RPS6KC1: variants seen among roughly 807,000 people sequenced by gnomAD.
RPS6KC1 encodes inactive ribosomal protein S6 kinase delta-1.
RPS6KC1 carries 54 observed loss-of-function variants against 103.8 expected under a neutral mutation model. That is an observed-to-expected ratio of 0.52 (90% CI 0.42 to 0.65). The LOEUF (loss-of-function observed/expected upper bound fraction) is 0.65. Ranked by LOEUF, RPS6KC1 falls within the 30% of genes least tolerant of loss-of-function variation. The pLI is 0.00. For synonymous variants in RPS6KC1, 439 were observed against 438.7 expected (o/e 1.00, Z -0.01); for missense variants, 1,151 against 1,253.8 (o/e 0.92, Z 1.24).
At chr1:213,752,230 C>G in the RPS6KC1 span, among the ~76,000 whole-genome samples, 20 of 152,180 alleles carry the variant, frequency 1.3e-4, no homozygotes, top group Middle Eastern at 3.4e-3. Flanking sequence ...TACAGTGAAT[C>G]TAAGCTACAA....
the RPS6KC1 span, among the ~76,000 whole-genome samples, chr1:213,610,420 C>G: frequency 6.6e-6 from 1 of 152,082 alleles, no homozygotes; most frequent in Non-Finnish European, 1.5e-5. Flanking sequence ...GGAAGAGTCC[C>G]CAGAGGGAAA....
At chr1:213,414,845 A>G in the RPS6KC1 span, among the ~76,000 whole-genome samples, 26 of 152,264 alleles carry the variant, frequency 1.7e-4, no homozygotes, top group African/African-American at 5.5e-4. Flanking sequence ...GGTCTTTTCC[A>G]TAACTTGGAA....
At chr1:213,085,870 G>T (rs948935534) in intron 3 of RPS6KC1, among the ~76,000 whole-genome samples, 3 of 151,806 alleles carry the variant, frequency 2.0e-5, no homozygotes, top group Non-Finnish European at 2.9e-5. Flanking sequence ...ATCAGTAGGA[G>T]CCCTTTTAAG....
chr1:213,361,549 G>C, the RPS6KC1 span, among the ~76,000 whole-genome samples: 1 of 152,220 alleles, frequency 6.6e-6, no homozygotes, highest in Admixed American at 6.5e-5. Flanking sequence ...TGCTCAGTGC[G>C]CTGCACCCAC....
intron 3 of RPS6KC1, among the ~76,000 whole-genome samples, chr1:213,081,769 GGCAT>G (rs1327579244): frequency 6.6e-6 from 1 of 151,834 alleles, no homozygotes; most frequent in Non-Finnish European, 1.5e-5. Context: ...GAGGAACAGG[GGCAT>G]CCAGCCAAAA....
intron 1 of RPS6KC1, among the ~76,000 whole-genome samples, chr1:213,065,096 C>T (rs2078205958): frequency 6.6e-6 from 1 of 151,278 alleles, no homozygotes. Flanking sequence ...CCTGCCTCAG[C>T]CTCCCGAGTA....
the RPS6KC1 span, among the ~76,000 whole-genome samples, chr1:213,337,242 G>A: frequency 2.6e-5 from 4 of 152,184 alleles, no homozygotes; most frequent in African/African-American, 9.7e-5. Context: ...ACAGGCTAAG[G>A]CTCAGAGTTC....
the RPS6KC1 span, among the ~76,000 whole-genome samples, chr1:213,849,767 A>G: frequency 6.6e-6 from 1 of 152,110 alleles, no homozygotes; most frequent in Non-Finnish European, 1.5e-5. Flanking sequence ...CCATTTATTT[A>G]AGTTTTTTGA....
the RPS6KC1 span, among the ~76,000 whole-genome samples, chr1:213,359,990 T>A: frequency 6.6e-6 from 1 of 152,182 alleles, no homozygotes; most frequent in Non-Finnish European, 1.5e-5. Flanking sequence ...GCCCTTAACA[T>A]TTTTTCCTTC....
the RPS6KC1 span, among the ~76,000 whole-genome samples, chr1:213,405,134 G>A: frequency 1.3e-5 from 2 of 152,234 alleles, no homozygotes; most frequent in African/African-American, 2.4e-5. Flanking sequence ...TCTTCACCTG[G>A]GAAATCAGAG....
intron 8 of RPS6KC1, among the ~76,000 whole-genome samples, chr1:213,209,890 A>G (rs554855603): frequency 6.6e-6 from 1 of 152,074 alleles, no homozygotes; most frequent in Non-Finnish European, 1.5e-5. Context: ...TACTCTTTTT[A>G]GACTATATAG....
the RPS6KC1 span, chr1:213,820,323 T>G: frequency 6.6e-6 from 1 of 152,336 alleles, no homozygotes; most frequent in Admixed American, 6.5e-5. Context: ...AGGACTGCCT[T>G]CTCCTGGTTT....
the RPS6KC1 span, among the ~76,000 whole-genome samples, chr1:213,809,333 T>C: frequency 6.6e-6 from 1 of 152,086 alleles, no homozygotes; most frequent in East Asian, 1.9e-4. Context: ...TCAAAATTAC[T>C]ATAGTAACAT....
chr1:213,733,336 C>G, the RPS6KC1 span, among the ~76,000 whole-genome samples: 341 of 151,464 alleles, frequency 2.3e-3, 2 homozygotes, highest in Middle Eastern at 0.01. Context: ...ACCTCCCGGG[C>G]TCAAGTTATT....
chr1:213,713,080 A>G, the RPS6KC1 span, among the ~76,000 whole-genome samples: 19,612 of 152,174 alleles, frequency 0.13, 1,368 homozygotes, highest in Middle Eastern at 0.19. Context: ...CTATTCTGCT[A>G]TCTTGGTCCA....
the RPS6KC1 span, among the ~76,000 whole-genome samples, chr1:213,466,392 C>T: frequency 3.3e-5 from 5 of 152,076 alleles, no homozygotes; most frequent in African/African-American, 7.2e-5. Context: ...CAAACATGCT[C>T]GAATGAATAA....
the RPS6KC1 span, among the ~76,000 whole-genome samples, chr1:213,745,161 T>C: frequency 6.6e-6 from 1 of 152,104 alleles, no homozygotes; most frequent in African/African-American, 2.4e-5. Context: ...CTCATTCTGA[T>C]GGAAGAAAAA....
intron 3 of RPS6KC1, among the ~76,000 whole-genome samples, chr1:213,092,474 A>T (rs1234790813): frequency 6.6e-6 from 1 of 151,732 alleles, no homozygotes; most frequent in African/African-American, 2.4e-5. Flanking sequence ...GATCGAGACA[A>T]TCCTGGCTAA....
chr1:213,151,671 C>T (rs1335862923), intron 6 of RPS6KC1, among the ~76,000 whole-genome samples: 35 of 87,572 alleles, frequency 4.0e-4, no homozygotes, highest in South Asian at 4.3e-4. Context: ...CCAGTAGGGG[C>T]GGCCGGGCAG....
Sources: allele counts gnomAD v4.1 joint callset (sites outside exome capture counted in the v4.1 genomes callset), GRCh38; gene constraint gnomAD v4.1.1; transcripts MANE v1.5; gene names NCBI Gene and HGNC (gene_info 2026-07-23, HGNC 2026-07-21).